Variants in CNTNAP4 observed in about 807,000 individuals in gnomAD.
CNTNAP4 encodes contactin-associated protein-like 4.
A neutral mutation model predicts 148.4 loss-of-function variants in CNTNAP4; 98 were observed. The observed-to-expected ratio is 0.66, with a 90% CI of 0.56 to 0.78. CNTNAP4 has a LOEUF of 0.78. Ranked by LOEUF, CNTNAP4 falls within the 30% of genes least tolerant of loss-of-function variation. The pLI, the probability that CNTNAP4 is intolerant of heterozygous loss-of-function variation, is 0.00. For missense variants in CNTNAP4, 1,935 were observed against 1,565.6 expected (o/e 1.24, Z -3.98); for synonymous variants, 730 against 565.1 (o/e 1.29, Z -4.14).
chr16:76,535,797 TG>T lies in CNTNAP4; in HGVS notation c.2995+15del, dbSNP rs1257929397. The T allele has an allele frequency of 3.1e-6, 5 of 1,605,968 alleles. No homozygotes were observed. The African/African-American group carries it at 5.3e-5, about 17-fold the overall frequency. ...TTCTGCTCAAATGGTAAGTGTGGCA[TG>T]GAAGACTGTAAGAGGAAAATTTATT... On this transcript the variant is annotated intron_variant, in intron 18 of 23. Coordinates refer to ENST00000611870, the MANE Select transcript of CNTNAP4 (RefSeq NM_033401.5).
At chr16:76,317,289 A>AC (rs1567680264) in intron 2 of CNTNAP4, among the ~76,000 whole-genome samples, 1 of 81,664 alleles carries the variant, frequency 1.2e-5, no homozygotes, top group Non-Finnish European at 3.3e-5. Context: ...AAAAAAAAAA[A>AC]AACCCAAAAA....
chr16:76,283,028 G>C (rs1475637134), intron 1 of CNTNAP4, among the ~76,000 whole-genome samples: 1 of 151,716 alleles, frequency 6.6e-6, no homozygotes, highest in Non-Finnish European at 1.5e-5. Context: ...AACTAGGATA[G>C]TCTCAAAGAG....
chr16:76,467,786 A>C (rs905086610), intron 10 of CNTNAP4, among the ~76,000 whole-genome samples: 1 of 152,218 alleles, frequency 6.6e-6, no homozygotes, highest in African/African-American at 2.4e-5. Flanking sequence ...GATAATGTTG[A>C]TGCTGCTATA....
chr16:76,355,274 ACTTTC>A (rs1259172893), intron 2 of CNTNAP4, 39 bp from the exon 3 acceptor site: 1 of 1,423,880 alleles, frequency 7.0e-7, no homozygotes, highest in Non-Finnish European at 9.4e-7. Context: ...TTTTTAACTA[ACTTTC>A]CTTTCTCAAT....
At chr16:76,405,542 C>A (rs1749258414) in intron 3 of CNTNAP4, among the ~76,000 whole-genome samples, 1 of 151,940 alleles carries the variant, frequency 6.6e-6, no homozygotes, top group African/African-American at 2.4e-5. Context: ...ACAAAGCAAG[C>A]TAGAGAAAAG....
At chr16:76,441,070 C>A (rs2080019662) in intron 4 of CNTNAP4, among the ~76,000 whole-genome samples, 1 of 152,088 alleles carries the variant, frequency 6.6e-6, no homozygotes, top group Admixed American at 6.6e-5. Flanking sequence ...TTAGAGGCTA[C>A]AGCGGATCAA....
chr16:76,419,779 G>A (rs1371277629), intron 3 of CNTNAP4, among the ~76,000 whole-genome samples: 1 of 152,028 alleles, frequency 6.6e-6, no homozygotes, highest in Non-Finnish European at 1.5e-5. Context: ...AGAACAAGGT[G>A]CTACCCAATT....
chr16:76,318,837 T>C (rs1174032870), intron 2 of CNTNAP4, among the ~76,000 whole-genome samples: 1 of 151,232 alleles, frequency 6.6e-6, no homozygotes, highest in Non-Finnish European at 1.5e-5. Context: ...TTTCTCATAA[T>C]ATTTCAGTCA....
At chr16:76,482,342 G>T (rs891105832) in intron 12 of CNTNAP4, among the ~76,000 whole-genome samples, 1 of 151,820 alleles carries the variant, frequency 6.6e-6, no homozygotes, top group East Asian at 1.9e-4. Context: ...CACAGTTTTT[G>T]CCCTGAGTAA....
intron 2 of CNTNAP4, among the ~76,000 whole-genome samples, chr16:76,336,213 G>A (rs1964012078): frequency 6.6e-6 from 1 of 152,144 alleles, no homozygotes; most frequent in Non-Finnish European, 1.5e-5. Flanking sequence ...AAAAAATGCA[G>A]ATTTTCACAC....
intron 4 of CNTNAP4, among the ~76,000 whole-genome samples, chr16:76,429,566 A>G (rs1025569125): frequency 2.0e-5 from 3 of 152,188 alleles, no homozygotes; most frequent in African/African-American, 4.8e-5. Context: ...TATAAACTCA[A>G]TATTAACAAA....
At chr16:76,392,950 A>G (rs1366860832) in intron 3 of CNTNAP4, among the ~76,000 whole-genome samples, 5 of 152,222 alleles carry the variant, frequency 3.3e-5, no homozygotes, top group Non-Finnish European at 7.3e-5. Context: ...ACGCCTTTGC[A>G]TCTTGCCTCA....
At chr16:76,535,478 G>A in intron 17 of CNTNAP4, 67 bp from the exon 18 acceptor site, 1 of 1,550,456 alleles carries the variant, frequency 6.4e-7, no homozygotes, top group Non-Finnish European at 8.7e-7. Flanking sequence ...CCTCAGTTTT[G>A]TTTGGTCTTT....
chr16:76,404,287 A>G (rs1381015538), intron 3 of CNTNAP4, among the ~76,000 whole-genome samples: 1 of 152,166 alleles, frequency 6.6e-6, no homozygotes, highest in African/African-American at 2.4e-5. Context: ...ATTAAAAAAT[A>G]AAAGACATAA....
Position 76,558,673 on chromosome 16 carries a change from A to C in CNTNAP4, c.3917A>C (p.Tyr1306Ser). 2 of 1,604,764 alleles carry C rather than the reference A, an allele frequency of 1.2e-6. No homozygotes were observed. Among genetic ancestry groups the C allele is most frequent in the Non-Finnish European group, 1.7e-6 (2 of 1,175,738 alleles). Reference protein sequence around the residue: ...QNAVNENQKEYFF With the variant: ...QNAVNENQKESFF ...GCAGTCAATGAAAATCAGAAAGAGT[A>C]CTTCTTCTGATTGGCAGCTATGATT... The change falls in exon 24 of 24, where the codon TAC becomes TCC. Residue 1306 changes from tyrosine (Y) to serine (S), a missense_variant. Physicochemically the swap from Tyr to Ser is moderately radical, Grantham distance 144. Transcript: ENST00000611870.
chr16:76,460,726 C>T (rs2080914225), intron 8 of CNTNAP4, among the ~76,000 whole-genome samples: 1 of 98,846 alleles, frequency 1.0e-5, no homozygotes, highest in Non-Finnish European at 2.0e-5. Flanking sequence ...GCACTCCAGC[C>T]TGGGCGACAG....
chr16:76,300,706 A>T (rs1478993690), intron 1 of CNTNAP4, among the ~76,000 whole-genome samples: 1 of 152,188 alleles, frequency 6.6e-6, no homozygotes, highest in Non-Finnish European at 1.5e-5. Flanking sequence ...CGTGGTTGAG[A>T]TATAGCATGC....
intron 2 of CNTNAP4, among the ~76,000 whole-genome samples, chr16:76,317,803 C>A (rs1291033646): frequency 1.3e-5 from 2 of 152,030 alleles, no homozygotes; most frequent in African/African-American, 2.4e-5. Context: ...AGATATAACA[C>A]TTTAACATGA....
intron 3 of CNTNAP4, among the ~76,000 whole-genome samples, chr16:76,406,182 C>G (rs1373529849): frequency 3.3e-5 from 5 of 152,212 alleles, no homozygotes; most frequent in East Asian, 1.9e-4. Flanking sequence ...GTAATTCTTG[C>G]AATATTTCAA....
Sources: allele counts gnomAD v4.1 joint callset (sites outside exome capture counted in the v4.1 genomes callset), GRCh38; gene constraint gnomAD v4.1.1; transcripts MANE v1.5; gene names NCBI Gene and HGNC (gene_info 2026-07-23, HGNC 2026-07-21).